Variants in LHFPL3 observed in about 807,000 individuals in gnomAD.
The protein encoded by LHFPL3 is LHFPL tetraspan subfamily member 3 protein.
LHFPL3 carries 5 observed loss-of-function variants against 19.3 expected under a neutral mutation model. That is an observed-to-expected ratio of 0.26 (90% CI 0.14 to 0.54). LHFPL3 has a LOEUF of 0.54. Among genes scored for constraint, LHFPL3 ranks in the 20% least tolerant of loss-of-function variants. The pLI is 0.94. For missense variants in LHFPL3, 249 were observed against 307.4 expected, an observed-to-expected ratio of 0.81 and a Z score of 1.42; for synonymous variants, 133 against 126.2, an observed-to-expected ratio of 1.05 and a Z score of -0.36.
chr7:104,434,815 A>G (rs1792071459), intron 1 of LHFPL3, among the ~76,000 whole-genome samples: 1 of 152,216 alleles, frequency 6.6e-6, no homozygotes, highest in South Asian at 2.1e-4. Flanking sequence ...ATTATGAAAG[A>G]TCACATTTCA....
intron 1 of LHFPL3, among the ~76,000 whole-genome samples, chr7:104,584,982 C>T (rs1790536950): frequency 6.6e-6 from 1 of 152,154 alleles, no homozygotes. Flanking sequence ...ATACTGAAGC[C>T]TCATACACAT....
At chr7:104,857,663 A>G (rs952184025) in intron 2 of LHFPL3, among the ~76,000 whole-genome samples, 1 of 149,596 alleles carries the variant, frequency 6.7e-6, no homozygotes, top group Non-Finnish European at 1.5e-5. Flanking sequence ...TTACTCAACC[A>G]AAACCACTCC....
At chr7:104,818,741 A>AT (rs1222454275) in intron 2 of LHFPL3, among the ~76,000 whole-genome samples, 1 of 151,848 alleles carries the variant, frequency 6.6e-6, no homozygotes, top group African/African-American at 2.4e-5. Context: ...TGGGTTTGAG[A>AT]TTTTGTTGGC....
chr7:104,628,731 G>A (rs1791589195), intron 1 of LHFPL3, among the ~76,000 whole-genome samples: 1 of 152,148 alleles, frequency 6.6e-6, no homozygotes, highest in Non-Finnish European at 1.5e-5. Flanking sequence ...TTAAAAATAA[G>A]TGTACCATTT....
intron 2 of LHFPL3, among the ~76,000 whole-genome samples, chr7:104,830,094 T>C (rs1790921574): frequency 6.6e-6 from 1 of 151,998 alleles, no homozygotes; most frequent in African/African-American, 2.4e-5. Context: ...ATGATGAGCA[T>C]TTTTTCATGT....
chr7:104,490,611 G>A (rs1793324076), intron 1 of LHFPL3, among the ~76,000 whole-genome samples: 1 of 152,032 alleles, frequency 6.6e-6, no homozygotes, highest in Admixed American at 6.6e-5. Context: ...TCTCCATTGG[G>A]TATACAGAGA....
chr7:104,669,318 T>G (rs1009708270), intron 1 of LHFPL3: 6 of 1,613,546 alleles, frequency 3.7e-6, no homozygotes. Context: ...GAAGGAAAGA[T>G]GAAAATAAAG....
At chr7:104,376,156 AG>A (rs1790709988) in intron 1 of LHFPL3, among the ~76,000 whole-genome samples, 1 of 152,212 alleles carries the variant, frequency 6.6e-6, no homozygotes, top group Admixed American at 6.5e-5. Flanking sequence ...GTTGGTGGCA[AG>A]ATGCAAGGTT....
At chr7:104,434,393 G>C (rs1258048903) in intron 1 of LHFPL3, among the ~76,000 whole-genome samples, 2 of 152,200 alleles carry the variant, frequency 1.3e-5, no homozygotes, top group African/African-American at 4.8e-5. Context: ...GTATGCAAAA[G>C]TTTTTGCATA....
intron 1 of LHFPL3, among the ~76,000 whole-genome samples, chr7:104,352,460 G>T (rs1048340672): frequency 1.3e-5 from 2 of 151,956 alleles, no homozygotes; most frequent in African/African-American, 4.8e-5. Flanking sequence ...TTTAAAGCAG[G>T]TCTTTAATAG....
At chr7:104,383,084 A>G (rs1277642834) in intron 1 of LHFPL3, among the ~76,000 whole-genome samples, 1 of 152,268 alleles carries the variant, frequency 6.6e-6, no homozygotes, top group Non-Finnish European at 1.5e-5. Context: ...TTTCCTGGCC[A>G]CCATGCCGTA....
At chr7:104,440,346 T>C (rs1212996262) in intron 1 of LHFPL3, among the ~76,000 whole-genome samples, 1 of 149,990 alleles carries the variant, frequency 6.7e-6, no homozygotes. Context: ...TTCTCACTCA[T>C]AGGTGGGAAT....
intron 1 of LHFPL3, among the ~76,000 whole-genome samples, chr7:104,439,304 C>T (rs1792172415): frequency 6.6e-6 from 1 of 151,922 alleles, no homozygotes; most frequent in Non-Finnish European, 1.5e-5. Context: ...TTTTATGATG[C>T]TAAAATAACC....
At chr7:104,437,992 G>GGAGTCCATTAA (rs1278505490) in intron 1 of LHFPL3, among the ~76,000 whole-genome samples, 3 of 152,150 alleles carry the variant, frequency 2.0e-5, no homozygotes, top group African/African-American at 7.2e-5. Flanking sequence ...CCACCATACA[G>GGAGTCCATTAA]GAGTCCATTA....
chr7:104,347,598 A>G (rs1165611886), intron 1 of LHFPL3, among the ~76,000 whole-genome samples: 4 of 152,242 alleles, frequency 2.6e-5, no homozygotes, highest in Non-Finnish European at 4.4e-5. Context: ...TTGTTATTGA[A>G]AGTTTGCCTT....
At chr7:104,440,096 G>A (rs545120825) in intron 1 of LHFPL3, among the ~76,000 whole-genome samples, 154 of 151,538 alleles carry the variant, frequency 1.0e-3, no homozygotes, top group African/African-American at 3.6e-3. Flanking sequence ...GTTAATGGGT[G>A]CAGCACACCA....
At chr7:104,855,655 G>A (rs546023921) in intron 2 of LHFPL3, among the ~76,000 whole-genome samples, 20 of 148,064 alleles carry the variant, frequency 1.4e-4, no homozygotes, top group South Asian at 4.3e-4. Context: ...TCGGAGCCTC[G>A]CTCTGTCACC....
chr7:104,867,763 G>A (rs1584586439), intron 2 of LHFPL3, among the ~76,000 whole-genome samples: 1 of 152,142 alleles, frequency 6.6e-6, no homozygotes, highest in African/African-American at 2.4e-5. Context: ...AAGCCTGGCA[G>A]AGACACAACA....
At chr7:104,545,483 G>C (rs1158343843) in intron 1 of LHFPL3, among the ~76,000 whole-genome samples, 1 of 152,180 alleles carries the variant, frequency 6.6e-6, no homozygotes, top group East Asian at 1.9e-4. Context: ...TTGAATTACA[G>C]TATAAAGAAG....
Sources: allele counts gnomAD v4.1 joint callset (sites outside exome capture counted in the v4.1 genomes callset), GRCh38; gene constraint gnomAD v4.1.1; transcripts MANE v1.5; gene names NCBI Gene and HGNC (gene_info 2026-07-23, HGNC 2026-07-21).